Variants in DIAPH3 observed in about 807,000 individuals in gnomAD.
The protein encoded by DIAPH3 is diaphanous related formin 3, also known as protein diaphanous homolog 3.
In DIAPH3, 117 loss-of-function variants were observed where a neutral mutation model predicts 144.3. The observed-to-expected ratio is 0.81, with a 90% CI of 0.70 to 0.95. The LOEUF is 0.95. Ranked by LOEUF, DIAPH3 falls within the 40% of genes least tolerant of loss-of-function variation. The probability of loss-of-function intolerance (pLI) is 0.00; values close to 1 mark genes in which losing one functional copy is unlikely to be tolerated. For synonymous variants in DIAPH3, 519 were observed against 488.9 expected (o/e 1.06, Z -0.81); for missense variants, 1,421 against 1,412.7 (o/e 1.01, Z -0.09).
intron 27 of DIAPH3, among the ~76,000 whole-genome samples, chr13:59,701,182 G>A (rs2034092254): frequency 6.6e-6 from 1 of 152,106 alleles, no homozygotes; most frequent in Non-Finnish European, 1.5e-5. Context: ...GCATTCCATT[G>A]TACCTACCTT....
intron 22 of DIAPH3, among the ~76,000 whole-genome samples, chr13:59,856,526 G>T (rs2043262905): frequency 6.6e-6 from 1 of 152,150 alleles, no homozygotes; most frequent in African/African-American, 2.4e-5. Context: ...CCTCCTCACT[G>T]TGTCTTCACA....
rs1594185296 is a variant in DIAPH3, at chr13:59,974,589, TAG to T, written c.1546-135_1546-134del. Reference sequence around the variant, plus strand: ...TGAATTGGTTTTATGAAAGGAGTGATAGAGTTTTGAAAAGTCACTTACAGTCT... The same window carrying T: ...TGAATTGGTTTTATGAAAGGAGTGATAGTTTTGAAAAGTCACTTACAGTCT... On this transcript the variant is annotated intron_variant, in intron 14 of 27. Transcript: ENST00000400324. 5 of 837,024 alleles carry T rather than the reference TAG, an allele frequency of 6.0e-6. No individual in the cohort carries two copies. The East Asian group carries it at 1.3e-4, about 22-fold the overall frequency. The allele number at this position is 837,024 out of a possible 1,614,324, so 51.8% of individuals were successfully genotyped here.
intron 5 of DIAPH3, among the ~76,000 whole-genome samples, chr13:60,017,788 T>C (rs1440996665): frequency 4.6e-5 from 7 of 152,230 alleles, no homozygotes. Context: ...AGATACTCTC[T>C]TGTAAAAGAC....
chr13:59,977,497 A>G (rs1388956546), intron 14 of DIAPH3, among the ~76,000 whole-genome samples: 2 of 151,890 alleles, frequency 1.3e-5, no homozygotes, highest in Non-Finnish European at 2.9e-5. Context: ...GGTATGTATA[A>G]TAAGTAAACA....
At chr13:59,828,631 CA>C (rs5803972) in intron 24 of DIAPH3, among the ~76,000 whole-genome samples, 6,678 of 130,328 alleles carry the variant, frequency 0.051, 213 homozygotes, top group Admixed American at 0.11. Context: ...TTCTGGACCT[CA>C]AAAAAAAAAA....
chr13:59,681,602 TG>T (rs2032952762), intron 27 of DIAPH3, among the ~76,000 whole-genome samples: 1 of 150,660 alleles, frequency 6.6e-6, no homozygotes, highest in African/African-American at 2.5e-5. Flanking sequence ...CTGTTTTAAG[TG>T]TTTTTTTTTT....
intron 27 of DIAPH3, among the ~76,000 whole-genome samples, chr13:59,765,943 G>T (rs1176412445): frequency 2.0e-5 from 3 of 152,104 alleles, no homozygotes; most frequent in Admixed American, 2.0e-4. Context: ...GCTGCAGTAG[G>T]GTCCCCCATC....
chr13:59,840,087 T>C lies in DIAPH3; in HGVS notation c.2738-639A>G, dbSNP rs561436442. ...GCACTGTGTCACTATGAGAATATAC[T>C]AGCCACCCAGCAGAACAGACATTAA... On this transcript the variant is annotated intron_variant, in intron 22 of 27. Coordinates refer to ENST00000400324, the MANE Select transcript of DIAPH3 (RefSeq NM_001042517.2). 5.3e-5 allele frequency among the ~76,000 whole-genome samples: 8 copies of C among 152,248 alleles called. No homozygotes were observed. The South Asian group carries it at 1.7e-3, about 32-fold the overall frequency.
At chr13:60,122,003 T>C (rs1400582938) in intron 2 of DIAPH3, among the ~76,000 whole-genome samples, 1 of 152,054 alleles carries the variant, frequency 6.6e-6, no homozygotes, top group Non-Finnish European at 1.5e-5. Context: ...GCTATAGCAA[T>C]TCTCTACCCC....
intron 22 of DIAPH3, among the ~76,000 whole-genome samples, chr13:59,860,841 T>G (rs2043536264): frequency 6.6e-6 from 1 of 152,212 alleles, no homozygotes; most frequent in African/African-American, 2.4e-5. Context: ...AATAGCTCTA[T>G]CCGTTCTATG....
intron 27 of DIAPH3, among the ~76,000 whole-genome samples, chr13:59,688,059 C>T (rs1041152810): frequency 1.4e-4 from 21 of 151,882 alleles, no homozygotes; most frequent in African/African-American, 5.1e-4. Flanking sequence ...GATTTTCTTC[C>T]CCCAGTTGCT....
chr13:60,092,740 G>A (rs1594644349), intron 4 of DIAPH3, among the ~76,000 whole-genome samples: 1 of 152,044 alleles, frequency 6.6e-6, no homozygotes, highest in Admixed American at 6.5e-5. Flanking sequence ...CATGAGACAC[G>A]TTTAAAAATT....
intron 24 of DIAPH3, among the ~76,000 whole-genome samples, chr13:59,819,684 A>C (rs192366469): frequency 2.1e-4 from 32 of 151,978 alleles, no homozygotes; most frequent in Admixed American, 1.8e-3. Context: ...ACAAGCACTC[A>C]AAAAAATACT....
chr13:59,740,582 G>A (rs1023086524), intron 27 of DIAPH3, among the ~76,000 whole-genome samples: 7 of 151,960 alleles, frequency 4.6e-5, no homozygotes, highest in Non-Finnish European at 8.8e-5. Context: ...AGCAAACAAT[G>A]GAAATTTAAG....
intron 5 of DIAPH3, among the ~76,000 whole-genome samples, chr13:60,032,471 G>C (rs2054878053): frequency 6.6e-6 from 1 of 152,174 alleles, no homozygotes; most frequent in Non-Finnish European, 1.5e-5. Context: ...CTTGCATTCT[G>C]TGCACCCACA....
chr13:60,122,487 C>T (rs1480429953), intron 2 of DIAPH3, among the ~76,000 whole-genome samples: 1 of 152,066 alleles, frequency 6.6e-6, no homozygotes, highest in African/African-American at 2.4e-5. Flanking sequence ...TCACTAAACC[C>T]CCTCTGAACT....
chr13:59,927,740 A>C (rs1359893604), intron 17 of DIAPH3, among the ~76,000 whole-genome samples: 1 of 152,208 alleles, frequency 6.6e-6, no homozygotes, highest in Non-Finnish European at 1.5e-5. Flanking sequence ...TTCTGCTAAA[A>C]AAAATTGATG....
At chr13:59,902,534 G>A (rs761489753) in intron 20 of DIAPH3, among the ~76,000 whole-genome samples, 1 of 152,106 alleles carries the variant, frequency 6.6e-6, no homozygotes, top group Non-Finnish European at 1.5e-5. Context: ...AGCACTTTGG[G>A]AGGCCAAGGC....
At chr13:59,696,977 A>G (rs746142132) in intron 27 of DIAPH3, among the ~76,000 whole-genome samples, 38 of 152,110 alleles carry the variant, frequency 2.5e-4, no homozygotes, top group Non-Finnish European at 4.6e-4. Context: ...GGATTATCCT[A>G]TTCTAAACCT....
Sources: gnomAD v4.1 joint callset for allele counts (sites outside exome capture counted in the v4.1 genomes callset) on GRCh38, gnomAD v4.1.1 for gene constraint, MANE v1.5 for transcripts, NCBI Gene and HGNC (gene_info 2026-07-23, HGNC 2026-07-21) for gene names.